The following RIMS1 variants were observed in gnomAD, a reference collection of about 807,000 sequenced individuals.
The protein encoded by RIMS1 is regulating synaptic membrane exocytosis protein 1.
In RIMS1, 83 loss-of-function variants were observed where a neutral mutation model predicts 214.1. That is an observed-to-expected ratio of 0.39 (90% CI 0.32 to 0.47). The LOEUF is 0.47. RIMS1 is among the 20% of genes least tolerant of loss of function. The probability of loss-of-function intolerance (pLI) is 0.99; values close to 1 mark genes in which losing one functional copy is unlikely to be tolerated. For synonymous variants in RIMS1, 793 were observed against 786.8 expected (o/e 1.01, Z -0.13); for missense variants, 2,050 against 2,161.8 (o/e 0.95, Z 1.03).
At chr6:72,229,235 A>G (rs921789875) in intron 6 of RIMS1, among the ~76,000 whole-genome samples, 5 of 144,484 alleles carry the variant, frequency 3.5e-5, no homozygotes, top group African/African-American at 1.3e-4. Context: ...TTAGGGAGTG[A>G]ATATTGGCCT....
chr6:72,200,899 G>A (rs2051866980), intron 6 of RIMS1, among the ~76,000 whole-genome samples: 1 of 140,356 alleles, frequency 7.1e-6, no homozygotes, highest in African/African-American at 2.7e-5. Context: ...GTGTGTGTGT[G>A]GTCTGAGCTA....
intron 26 of RIMS1, among the ~76,000 whole-genome samples, chr6:72,304,064 GTTA>G (rs1243713033): frequency 2.0e-5 from 3 of 151,010 alleles, no homozygotes; most frequent in South Asian, 2.1e-4. Flanking sequence ...AAAAATGAAA[GTTA>G]TTATTTAGCT....
chr6:71,907,564 G>A (rs1003837163), intron 1 of RIMS1, among the ~76,000 whole-genome samples: 1 of 152,044 alleles, frequency 6.6e-6, no homozygotes, highest in Non-Finnish European at 1.5e-5. Context: ...AGAAGTGATA[G>A]AAAGTTAAAA....
At chr6:72,233,431 G>A (rs1411560838) in intron 6 of RIMS1, among the ~76,000 whole-genome samples, 2 of 150,968 alleles carry the variant, frequency 1.3e-5, no homozygotes, top group Non-Finnish European at 3.0e-5. Context: ...TAAAATTTTA[G>A]CCAGCATCAC....
At chr6:72,379,960 A>C (rs1256268047) in intron 29 of RIMS1, among the ~76,000 whole-genome samples, 1 of 152,062 alleles carries the variant, frequency 6.6e-6, no homozygotes, top group Non-Finnish European at 1.5e-5. Flanking sequence ...AAGTTTTTAA[A>C]AATATATATT....
intron 29 of RIMS1, among the ~76,000 whole-genome samples, chr6:72,339,434 TCCC>T (rs962925055): frequency 6.6e-6 from 1 of 151,072 alleles, no homozygotes; most frequent in African/African-American, 2.4e-5. Flanking sequence ...CCCTCCCCTA[TCCC>T]CCCACCCCAC....
intron 4 of RIMS1, among the ~76,000 whole-genome samples, chr6:72,112,008 T>A (rs1319182531): frequency 2.0e-5 from 3 of 152,184 alleles, no homozygotes. Flanking sequence ...AGCAGATGTT[T>A]AATAAGCATC....
At chr6:72,076,858 T>A (rs1383818525) in intron 2 of RIMS1, among the ~76,000 whole-genome samples, 2 of 152,174 alleles carry the variant, frequency 1.3e-5, no homozygotes, top group Non-Finnish European at 2.9e-5. Flanking sequence ...TTGCTTATGG[T>A]CTGGTTTCCC....
rs556671627 is a variant in RIMS1 at position 72,155,618 on chromosome 6, C to T, written c.472-23957C>T. Among the ~76,000 whole-genome samples, 5 of 141,258 alleles carry T rather than the reference C, an allele frequency of 3.5e-5. No individual in the cohort carries two copies. In the Admixed American group the frequency reaches 3.6e-4, roughly 10 times the overall value. 92.7% of individuals were successfully genotyped at this position (141,258 alleles called of 152,430 possible). On this transcript the variant is annotated intron_variant, in intron 4 of 33. Transcript: ENST00000521978. ...AATCATGGTGGAAGGCAAGGAGCAG[C>T]AAATCATTTCTTATTTGGATGGCAG... is the stretch of plus-strand genomic sequence containing the variant.
At chr6:72,368,881 G>A (rs111313993) in intron 29 of RIMS1, among the ~76,000 whole-genome samples, 1,795 of 152,138 alleles carry the variant, frequency 0.012, 17 homozygotes, top group African/African-American at 0.027. Flanking sequence ...TTGTTGGGAA[G>A]ATGTTTTGAG....
At chr6:72,259,888 G>C (rs1260023153) in intron 18 of RIMS1, among the ~76,000 whole-genome samples, 1 of 152,090 alleles carries the variant, frequency 6.6e-6, no homozygotes, top group African/African-American at 2.4e-5. Context: ...TGAGGAGAAG[G>C]GTCATGATAG....
At position 72,259,076 on chromosome 6, in the gene RIMS1, A is replaced by G; in HGVS notation, c.3018A>G (p.Arg1006=). 6.2e-7 allele frequency: 1 copy of G among 1,612,622 alleles called. No homozygotes were observed. Among genetic ancestry groups the G allele is most frequent in the Non-Finnish European group, 8.5e-7 (1 of 1,178,906 alleles). The change falls in exon 18 of 34, where the codon AGA becomes AGG. Residue 1006 remains arginine, a synonymous_variant. Transcript: ENST00000521978. ...GAAGTCCAGTTGATCATAGAACCAG[A>G]GATGTGGATAGTCAGTATTTATCAG... ...ASRSPVDHRT[R]DVDSQYLSEQ...
intron 28 of RIMS1, among the ~76,000 whole-genome samples, chr6:72,320,128 G>A (rs902930350): frequency 2.6e-5 from 4 of 152,228 alleles, no homozygotes; most frequent in Non-Finnish European, 5.9e-5. Context: ...TGAGTTGGAT[G>A]AATTTAACAG....
intron 4 of RIMS1, among the ~76,000 whole-genome samples, chr6:72,137,283 C>G (rs1413290537): frequency 2.6e-5 from 4 of 152,054 alleles, no homozygotes; most frequent in African/African-American, 9.7e-5. Flanking sequence ...TATTTTCAAA[C>G]TGCTTTCCAA....
intron 1 of RIMS1, among the ~76,000 whole-genome samples, chr6:71,967,261 G>T (rs577130762): frequency 3.3e-4 from 50 of 152,078 alleles, no homozygotes; most frequent in Admixed American, 1.0e-3. Flanking sequence ...GGTGGTGGGC[G>T]CCTGTAGTCC....
chr6:72,196,090 G>T (rs930913246), intron 6 of RIMS1, among the ~76,000 whole-genome samples: 3 of 152,038 alleles, frequency 2.0e-5, no homozygotes, highest in African/African-American at 7.2e-5. Context: ...TTTGGGTGGG[G>T]ACACAAAGCC....
chr6:71,920,413 T>G lies in RIMS1; in HGVS notation c.164+33226T>G, dbSNP rs564152567. On this transcript the variant is annotated intron_variant, in intron 1 of 33. Transcript: ENST00000521978. The stretch of plus-strand genomic sequence containing the variant: ...AGAATGAAGAGTTATGTGAACTCTC[T>G]TTACTATCTTTATAACTTTTTCGTA... Among the ~76,000 whole-genome samples, 175 of 152,302 alleles carry G rather than the reference T, an allele frequency of 1.1e-3. 1 individual carries two copies. The highest frequency in any genetic ancestry group is 3.9e-3 in the African/African-American group (162 of 41,564).
At chr6:71,887,674 A>T (rs1768217815) in intron 1 of RIMS1, among the ~76,000 whole-genome samples, 1 of 152,166 alleles carries the variant, frequency 6.6e-6, no homozygotes, top group Non-Finnish European at 1.5e-5. Flanking sequence ...TTTATATAAT[A>T]AAAATGCTTA....
At chr6:72,046,714 C>A (rs1436383137) in intron 2 of RIMS1, among the ~76,000 whole-genome samples, 1 of 151,970 alleles carries the variant, frequency 6.6e-6, no homozygotes, top group Admixed American at 6.6e-5. Context: ...ACAAGGAATT[C>A]CAGAAGAATA....
Sources: gnomAD v4.1 joint callset for allele counts (sites outside exome capture counted in the v4.1 genomes callset) on GRCh38, gnomAD v4.1.1 for gene constraint, MANE v1.5 for transcripts, NCBI Gene and HGNC (gene_info 2026-07-23, HGNC 2026-07-21) for gene names.